The following TCEA3 variants were observed in gnomAD, a reference collection of about 807,000 sequenced individuals.
The protein encoded by TCEA3 is transcription elongation factor A protein 3.
Under a neutral mutation model 44.0 loss-of-function variants are expected in TCEA3, and 36 were observed. The ratio of observed to expected loss-of-function variants is 0.82; its 90% confidence interval spans 0.63 to 1.08. The LOEUF (loss-of-function observed/expected upper bound fraction) is 1.08. Ranked by LOEUF, TCEA3 falls within the 50% of genes least tolerant of loss-of-function variation. The pLI, the probability that TCEA3 is intolerant of heterozygous loss-of-function variation, is 0.00. For synonymous variants in TCEA3, 162 were observed against 159.7 expected (o/e 1.01, Z -0.11); for missense variants, 392 against 441.2 (o/e 0.89, Z 1.00).
At chr1:23,385,349 A>G (rs1385147163) in intron 9 of TCEA3, among the ~76,000 whole-genome samples, 1 of 152,254 alleles carries the variant, frequency 6.6e-6, no homozygotes, top group Non-Finnish European at 1.5e-5. Context: ...GACACAGCTT[A>G]GCGCAGCCTG....
chr1:23,420,828 C>G (rs1337144086), intron 1 of TCEA3, among the ~76,000 whole-genome samples: 1 of 152,150 alleles, frequency 6.6e-6, no homozygotes, highest in Non-Finnish European at 1.5e-5. Context: ...CTGCCAGGCC[C>G]TGGACACCCT....
chr1:23,422,925 G>A (rs773131038), intron 1 of TCEA3, among the ~76,000 whole-genome samples: 4 of 152,176 alleles, frequency 2.6e-5, no homozygotes, highest in African/African-American at 9.7e-5. Flanking sequence ...CTCTCCTCCG[G>A]TCTCTAGGCG....
intron 8 of TCEA3, among the ~76,000 whole-genome samples, chr1:23,391,482 G>A (rs1313393826): frequency 1.3e-5 from 2 of 151,948 alleles, no homozygotes; most frequent in East Asian, 1.9e-4. Flanking sequence ...CTGGTGCAGG[G>A]GATTAGTGCT....
At position 23,399,140 on chromosome 1, in the gene TCEA3, A is replaced by G. The variant is rs1193440435; in HGVS notation, c.444-1185T>C. ...TCAGGTTTTGTTTATATATATGTATATATGTATATATATATATATATATAT... is the reference window on the plus strand; with the variant it reads ...TCAGGTTTTGTTTATATATATGTATGTATGTATATATATATATATATATAT... On this transcript the variant is annotated intron_variant, in intron 5 of 10. Coordinates refer to ENST00000450454, the MANE Select transcript of TCEA3 (RefSeq NM_003196.3). Among the ~76,000 whole-genome samples the G allele has an allele frequency of 8.4e-4, 62 of 74,008 alleles. 1 individual carries two copies. Among genetic ancestry groups the G allele is most frequent in the African/African-American group, 4.9e-3 (60 of 12,370 alleles). The allele number at this position is 74,008 out of a possible 152,430, so 48.6% of individuals were successfully genotyped here. A position where few individuals can be genotyped will look rare whatever the true frequency, so the allele number is the denominator to read the frequency against.
chr1:23,403,501 T>G (rs182137485), intron 5 of TCEA3: 28 of 152,486 alleles, frequency 1.8e-4, no homozygotes, highest in African/African-American at 6.7e-4. Context: ...ATTATGTATT[T>G]ATTGAGCATT....
At chr1:23,419,459 T>G in intron 1 of TCEA3, 1 of 246,542 alleles carries the variant, frequency 4.1e-6, no homozygotes. Context: ...TGGCTTATTG[T>G]TGCTCGTGTG....
At chr1:23,407,286 A>C (rs1351811625) in intron 5 of TCEA3, among the ~76,000 whole-genome samples, 3 of 152,098 alleles carry the variant, frequency 2.0e-5, no homozygotes, top group Non-Finnish European at 4.4e-5. Flanking sequence ...TCCCTGATCC[A>C]AGCCACCATG....
At chr1:23,398,407 T>C (rs1350037201) in intron 5 of TCEA3, among the ~76,000 whole-genome samples, 1 of 152,210 alleles carries the variant, frequency 6.6e-6, no homozygotes, top group African/African-American at 2.4e-5. Context: ...TATTCACTCA[T>C]TCACTAAATA....
intron 1 of TCEA3, chr1:23,423,893 C>T (rs749628930): frequency 1.8e-5 from 8 of 455,792 alleles, no homozygotes; most frequent in Non-Finnish European, 3.5e-5. Context: ...CCGCCCTCGC[C>T]CTCGCTGCAC....
At position 23,394,474 on chromosome 1, in the gene TCEA3, T is replaced by C. The variant is rs948674; in HGVS notation, c.665-441A>G. 8.1e-4 allele frequency among the ~76,000 whole-genome samples: 123 copies of C among 152,232 alleles called. 1 individual carries two copies. The highest frequency in any genetic ancestry group is 2.8e-3 in the African/African-American group (118 of 41,538). On this transcript the variant is annotated intron_variant, in intron 7 of 10. Transcript: ENST00000450454. Reference sequence around the variant, plus strand: ...TGGGCTGCTAAGATGATGACAAGGATGCGGATAACTTCTAGTTTGGAAGGG... The same window carrying C: ...TGGGCTGCTAAGATGATGACAAGGACGCGGATAACTTCTAGTTTGGAAGGG...
Position 23,393,982 on chromosome 1 carries a change from C to A in TCEA3, c.716G>T (p.Arg239Leu). ...GTCCTTGAGGTTGCTTATGCGGCTG[C>A]GCACGCGGTTCCGGTACTTCATGTC... ...STDMKYRNRV[R>L]SRISNLKDPR... The change falls in exon 8 of 11, where the codon CGC becomes CTC. Residue 239 changes from arginine to leucine, a missense_variant. Transcript: ENST00000450454. 2 of 1,614,008 alleles carry A rather than the reference C, an allele frequency of 1.2e-6. No individual in the cohort carries two copies. The highest frequency in any genetic ancestry group is 1.7e-6 in the Non-Finnish European group (2 of 1,179,890).
intron 4 of TCEA3, among the ~76,000 whole-genome samples, chr1:23,410,306 A>G (rs113527352): frequency 2.3e-4 from 35 of 152,074 alleles, no homozygotes; most frequent in Non-Finnish European, 5.0e-4. Flanking sequence ...CACCCTGGAG[A>G]ACCACTTTCT....
In TCEA3 at chr1:23,413,990, A is replaced by G. The variant is rs915502490; in HGVS notation, c.380+3259T>C. On this transcript the variant is annotated intron_variant, in intron 4 of 10. Transcript: ENST00000450454. ...ATAGGAATAGTCTAGCAGGATGTAT[A>G]TATATATATATATATATATAAATTT... 3.2e-3 allele frequency among the ~76,000 whole-genome samples: 456 copies of G among 144,594 alleles called. 1 individual carries two copies. Among genetic ancestry groups the G allele is most frequent in the African/African-American group, 0.011 (411 of 38,146 alleles). The allele number at this position is 144,594 out of a possible 152,430, so 94.9% of individuals were successfully genotyped here. A position where few individuals can be genotyped will look rare whatever the true frequency, so the allele number is the denominator to read the frequency against.
At position 23,423,919 on chromosome 1, in the gene TCEA3, C is replaced by T. The variant is rs1240709837; in HGVS notation, c.69+646G>A. On this transcript the variant is annotated intron_variant, in intron 1 of 10. Coordinates refer to ENST00000450454, the MANE Select transcript of TCEA3 (RefSeq NM_003196.3). ...CTCGCTGCACAGGCCTCCAGCCCGG[C>T]CCCCTTCCCCCGCCCCGCGGGCCCC... 1.3e-5 allele frequency: 6 copies of T among 453,360 alleles called. No individual in the cohort carries two copies. In the Admixed American group the frequency reaches 1.4e-4, roughly 11 times the overall value. The allele number at this position is 453,360 out of a possible 1,614,324, so 28.1% of individuals were successfully genotyped here.
intron 5 of TCEA3, among the ~76,000 whole-genome samples, chr1:23,405,295 GAC>G (rs1425261315): frequency 3.3e-5 from 5 of 152,050 alleles, no homozygotes; most frequent in Admixed American, 6.6e-5. Context: ...CTGGGTAGGA[GAC>G]AAATTAATGA....
At chr1:23,402,872 T>A (rs74062709) in intron 5 of TCEA3, among the ~76,000 whole-genome samples, 4,813 of 152,204 alleles carry the variant, frequency 0.032, 255 homozygotes, top group African/African-American at 0.11. Flanking sequence ...GAATACATGA[T>A]GAATTGAGGA....
intron 4 of TCEA3, among the ~76,000 whole-genome samples, chr1:23,410,066 G>C (rs1453027412): frequency 1.3e-5 from 2 of 151,950 alleles, no homozygotes; most frequent in African/African-American, 2.4e-5. Context: ...CCACAGCTAG[G>C]CTGGCTGGAA....
At chr1:23,409,161 A>G (rs1639639447) in intron 4 of TCEA3, among the ~76,000 whole-genome samples, 1 of 152,094 alleles carries the variant, frequency 6.6e-6, no homozygotes, top group African/African-American at 2.4e-5. Flanking sequence ...GCACTTTAGG[A>G]GGAGGAGAGG....
chr1:23,393,821 T>C, intron 8 of TCEA3, 58 bp downstream of exon 8: 1 of 1,580,096 alleles, frequency 6.3e-7, no homozygotes. Flanking sequence ...CCCTCTGCAC[T>C]AGGCAGGGCT....
Sources: allele counts gnomAD v4.1 joint callset (sites outside exome capture counted in the v4.1 genomes callset), GRCh38; gene constraint gnomAD v4.1.1; transcripts MANE v1.5; gene names NCBI Gene and HGNC (gene_info 2026-07-23, HGNC 2026-07-21).